TRIM64C: variants seen among roughly 807,000 people sequenced by gnomAD.
TRIM64C encodes tripartite motif containing 64C.
Under a neutral mutation model 36.1 loss-of-function variants are expected in TRIM64C, and 25 were observed. That is an observed-to-expected ratio of 0.69 (90% CI 0.51 to 0.97). The LOEUF is 0.97. Among genes scored for constraint, TRIM64C ranks in the 50% least tolerant of loss-of-function variants. The pLI is 0.00. For synonymous variants in TRIM64C, 212 were observed against 185.7 expected (o/e 1.14, Z -1.15); for missense variants, 489 against 536.8 (o/e 0.91, Z 0.88).
chr11:49,057,726 A>T (rs1473163354), intron 2 of TRIM64C: 2 of 475,236 alleles, frequency 4.2e-6, no homozygotes, highest in Non-Finnish European at 7.8e-6. Flanking sequence ...ATTATGCAGT[A>T]TTTTTTTACT....
intron 1 of TRIM64C, 141 bp from the exon 2 acceptor site, chr11:49,058,313 G>A: frequency 4.4e-6 from 3 of 679,808 alleles, no homozygotes; most frequent in East Asian, 2.9e-5. Context: ...AAACAAATAT[G>A]GTTCTAATAA....
At position 49,055,354 on chromosome 11, in the gene TRIM64C, G is replaced by T; in HGVS notation, c.815C>A (p.Ser272Ter). The T allele has an allele frequency of 6.5e-7, 1 of 1,535,742 alleles. No homozygotes were observed. The highest frequency in any genetic ancestry group is 1.2e-5 in the South Asian group (1 of 84,048). ...GTCTAGGACTCCAGTTATGCACCAT[G>T]AAGTGAGCTCTGGGTTCACTGGCTG... ...KPQPVNPELT[S>*]WCITGVLDML... The change falls in exon 5 of 6, where the codon TCA becomes TAA. Residue 272 changes from serine to a stop codon, truncating the protein, a stop_gained. Coordinates refer to ENST00000617704, the MANE Select transcript of TRIM64C (RefSeq NM_001206631.1). LOFTEE classifies it low-confidence loss of function (END_TRUNC).
chr11:49,055,988 C>A (rs562702074), intron 4 of TRIM64C, among the ~76,000 whole-genome samples: 1 of 151,436 alleles, frequency 6.6e-6, no homozygotes, highest in African/African-American at 2.4e-5. Flanking sequence ...CGCCTCAGCC[C>A]ATCCTTAGGG....
chr11:49,058,213 T>C (rs1201483263), intron 1 of TRIM64C, 41 bp from the exon 2 acceptor site: 1 of 1,282,760 alleles, frequency 7.8e-7, no homozygotes, highest in East Asian at 2.5e-5. Context: ...ATGAAGACAG[T>C]AGATCTTATC....
In TRIM64C at chr11:49,057,963, A is replaced by T. The variant is rs986588844; in HGVS notation, c.507+115T>A. ...CTATTATATCAATTGAAATCACTAC[A>T]TTTTCTTGAGGTGAAATCACTATCT... On this transcript the variant is annotated intron_variant, in intron 2 of 5. Coordinates refer to ENST00000617704, the MANE Select transcript of TRIM64C (RefSeq NM_001206631.1). The T allele has an allele frequency of 1.7e-5, 12 of 713,094 alleles. No homozygotes were observed. The African/African-American group carries it at 2.2e-4, about 13-fold the overall frequency. 44.2% of individuals were successfully genotyped at this position (713,094 alleles called of 1,614,324 possible). A position where few individuals can be genotyped will look rare whatever the true frequency, so the allele number is the denominator to read the frequency against.
chr11:49,056,221 G>T (rs1169603015), intron 4 of TRIM64C, 138 bp downstream of exon 4: 4 of 660,340 alleles, frequency 6.1e-6, no homozygotes, highest in Non-Finnish European at 1.1e-5. Context: ...CCAAAGAGAA[G>T]AAGATCTCAG....
chr11:49,058,225 C>T, intron 1 of TRIM64C, 53 bp from the exon 2 acceptor site: 1 of 1,200,774 alleles, frequency 8.3e-7, no homozygotes, highest in Non-Finnish European at 1.1e-6. Context: ...GATCTTATCC[C>T]TTTATCAATA....
At chr11:49,057,676 A>G in intron 2 of TRIM64C, 2 of 473,932 alleles carry the variant, frequency 4.2e-6, no homozygotes, top group South Asian at 4.2e-5. Context: ...TTCCATGTCT[A>G]ATTTGCCTAA....
Position 49,058,721 on chromosome 11 carries a change from G to A in TRIM64C, c.392C>T (p.Ala131Val). The A allele has an allele frequency of 6.5e-7, 1 of 1,546,742 alleles. No individual in the cohort carries two copies. Among genetic ancestry groups the A allele is most frequent in the Non-Finnish European group, 8.7e-7 (1 of 1,146,472 alleles). Residue 131 changes from alanine (A) to valine (V), a missense_variant, in exon 1 of 6, where the codon GCT (alanine) becomes GTT (valine). Coordinates refer to ENST00000617704, the MANE Select transcript of TRIM64C (RefSeq NM_001206631.1). ...MAHSHSPIGW[A>V]AEECRVQKLI... is the part of the protein sequence containing the mutation. ...ATCACGTACCCTGCATTCCTCAGCA[G>A]CCCATCCTATTGGGCTGTGGCTGTG...
chr11:49,055,268 G>C, intron 5 of TRIM64C, 42 bp downstream of exon 5: 1 of 1,534,382 alleles, frequency 6.5e-7, no homozygotes, highest in South Asian at 1.2e-5. Flanking sequence ...GACCCAATAA[G>C]GAAATAATTT....
intron 2 of TRIM64C, chr11:49,057,754 C>T: frequency 4.1e-6 from 2 of 491,778 alleles, no homozygotes; most frequent in Non-Finnish European, 7.7e-6. Context: ...TATTTTTACT[C>T]TATATACTAT....
At chr11:49,054,309 A>G in intron 5 of TRIM64C, 102 bp from the exon 6 acceptor site, 1 of 1,365,778 alleles carries the variant, frequency 7.3e-7, no homozygotes, top group Non-Finnish European at 9.8e-7. Context: ...AAATACAGAA[A>G]AAAGGAAACC....
At position 49,057,381 on chromosome 11, in the gene TRIM64C, G is replaced by C; in HGVS notation, c.508-3C>G. ...ACCTTCCTTAATGACACATAGTCCT[G>C]CAGAGACGTTTGGTTAAAAGGATTA... On this transcript the variant is annotated splice_region_variant and splice_polypyrimidine_tract_variant and intron_variant, in intron 2 of 5. Transcript: ENST00000617704. 6.5e-7 allele frequency: 1 copy of C among 1,549,358 alleles called. No individual in the cohort carries two copies. Among genetic ancestry groups the C allele is most frequent in the Non-Finnish European group, 8.7e-7 (1 of 1,146,738 alleles).
rs754126559 is a variant in TRIM64C at position 49,055,313 on chromosome 11, T to C, written c.856A>G (p.Arg286Gly). The change falls in exon 5 of 6, where the codon AGA becomes GGA. Residue 286 changes from arginine (R) to glycine (G), a missense_variant. Physicochemically the swap from Arg to Gly is moderately radical, Grantham distance 125. Coordinates refer to ENST00000617704, the MANE Select transcript of TRIM64C (RefSeq NM_001206631.1). ...TGVLDMLNNF[R>G]VDNALSTEMT... ...CTGCCAAGCAGCTGGCTCTTGCCTC[T>C]GAAGTTGTTGAGCATGTCTAGGACT... The C allele has an allele frequency of 2.0e-6, 3 of 1,535,744 alleles. No homozygotes were observed. Among genetic ancestry groups the C allele is most frequent in the African/African-American group, 2.7e-5 (2 of 73,004 alleles).
chr11:49,055,257 G>C (rs1854799004), intron 5 of TRIM64C, 53 bp downstream of exon 5: 1 of 1,532,276 alleles, frequency 6.5e-7, no homozygotes, highest in Non-Finnish European at 8.7e-7. Flanking sequence ...CTCAACCAAG[G>C]GACCCAATAA....
intron 4 of TRIM64C, 131 bp from the exon 5 acceptor site, chr11:49,055,538 T>A: frequency 1.6e-6 from 2 of 1,235,582 alleles, no homozygotes; most frequent in Non-Finnish European, 2.2e-6. Context: ...GGATGTACAT[T>A]TTATTCCACA....
Position 49,055,411 on chromosome 11 carries a change from C to CAG in TRIM64C, c.762-5_762-4insCT, listed in dbSNP as rs1554971366. 534 of 1,409,910 alleles carry CAG rather than the reference C, an allele frequency of 3.8e-4. No individual in the cohort carries two copies. Among genetic ancestry groups the CAG allele is most frequent in the Non-Finnish European group, 4.7e-4 (494 of 1,047,022 alleles). 87.3% of individuals were successfully genotyped at this position (1,409,910 alleles called of 1,614,324 possible). A position where few individuals can be genotyped will look rare whatever the true frequency, so the allele number is the denominator to read the frequency against. On this transcript the variant is annotated splice_region_variant and splice_polypyrimidine_tract_variant and intron_variant, in intron 4 of 5. Coordinates refer to ENST00000617704, the MANE Select transcript of TRIM64C (RefSeq NM_001206631.1). The stretch of plus-strand genomic sequence containing the variant: ...TGGCATCTGTGCCAAATCAGTTCTG[C>CAG]AAAAAAAAAATGGCCTCAGTTATAT...
intron 2 of TRIM64C, 161 bp downstream of exon 2, chr11:49,057,917 G>A: frequency 3.6e-6 from 2 of 561,472 alleles, no homozygotes; most frequent in Admixed American, 3.3e-5. Flanking sequence ...TAGCTTGTGT[G>A]GGCTTCTCTG....
In TRIM64C at chr11:49,054,097, C is replaced by A; in HGVS notation, c.970G>T (p.Gly324Ter). ...DHRSAPMDPQ[G>*]VESFAVWCAQ... ...CACCACACAGCAAAGCTCTCCACTC[C>A]TTGGGGATCCATGGGTGCACTGCGA... The change falls in exon 6 of 6, where the codon GGA becomes TGA. Residue 324 changes from glycine (G) to a stop codon, truncating the protein, a stop_gained. Transcript: ENST00000617704. LOFTEE classifies it low-confidence loss of function (END_TRUNC). 6.4e-7 allele frequency: 1 copy of A among 1,551,612 alleles called. No individual in the cohort carries two copies. Among genetic ancestry groups the A allele is most frequent in the Non-Finnish European group, 8.7e-7 (1 of 1,146,856 alleles).
Sources: allele counts gnomAD v4.1 joint callset (sites outside exome capture counted in the v4.1 genomes callset), GRCh38; gene constraint gnomAD v4.1.1; transcripts MANE v1.5; gene names NCBI Gene and HGNC (gene_info 2026-07-23, HGNC 2026-07-21).